The following ZNF653 variants were observed in gnomAD, a reference collection of about 807,000 sequenced individuals.
The protein encoded by ZNF653 is 67 kDa zinc finger protein.
Under a neutral mutation model 59.9 loss-of-function variants are expected in ZNF653, and 37 were observed. That is an observed-to-expected ratio of 0.62 (90% CI 0.48 to 0.81). The LOEUF is 0.81. Ranked by LOEUF, ZNF653 falls within the 40% of genes least tolerant of loss-of-function variation. The pLI, the probability that ZNF653 is intolerant of heterozygous loss-of-function variation, is 0.00. For missense variants in ZNF653, 808 were observed against 881.1 expected, an observed-to-expected ratio of 0.92 and a Z score of 1.05; for synonymous variants, 435 against 371.8, an observed-to-expected ratio of 1.17 and a Z score of -1.96.
intron 2 of ZNF653, among the ~76,000 whole-genome samples, 189 bp from the exon 3 acceptor site, chr19:11,496,354 G>A (rs548879423): frequency 1.1e-4 from 17 of 152,282 alleles, no homozygotes; most frequent in Admixed American, 3.9e-4. Flanking sequence ...TGGAGGTAAC[G>A]GGGACTGTTC....
chr19:11,484,146 G>C lies in ZNF653; in HGVS notation c.1571-5C>G. The C allele has an allele frequency of 6.4e-7, 1 of 1,551,494 alleles. No individual in the cohort carries two copies. The highest frequency in any genetic ancestry group is 8.7e-7 in the Non-Finnish European group (1 of 1,147,132). ...CGCAGGTGAATTCACGGACACCTGG[G>C]GGCGGTGGGGACCGAGGCTGAGGAC... On this transcript the variant is annotated splice_region_variant and splice_polypyrimidine_tract_variant and intron_variant, in intron 7 of 8. Coordinates refer to ENST00000293771, the MANE Select transcript of ZNF653 (RefSeq NM_138783.4).
chr19:11,502,839 G>T (rs1722360059), intron 1 of ZNF653, among the ~76,000 whole-genome samples: 1 of 152,076 alleles, frequency 6.6e-6, no homozygotes, highest in South Asian at 2.1e-4. Flanking sequence ...TTCGAGACCA[G>T]CCTAGCCAAC....
chr19:11,493,690 C>A (rs1300242624), intron 3 of ZNF653, among the ~76,000 whole-genome samples: 14 of 152,136 alleles, frequency 9.2e-5, no homozygotes, highest in Non-Finnish European at 1.5e-4. Context: ...TTTGGCTGAC[C>A]CCAGACTTCT....
In ZNF653 at chr19:11,487,162, C is replaced by T. The variant is rs375361056; in HGVS notation, c.1172-4G>A. The T allele has an allele frequency of 2.8e-5, 45 of 1,610,274 alleles. No homozygotes were observed. The highest frequency in any genetic ancestry group is 4.0e-5 in the African/African-American group (3 of 74,942). Reference sequence around the variant, plus strand: ...AGCAAGCACAGGTCCTCCTTCTCTACAGGGTGGACACAGGGTGGTGTCCGC... The same window carrying T: ...AGCAAGCACAGGTCCTCCTTCTCTATAGGGTGGACACAGGGTGGTGTCCGC... On this transcript the variant is annotated splice_polypyrimidine_tract_variant and splice_region_variant and intron_variant, in intron 4 of 8. Coordinates refer to ENST00000293771, the MANE Select transcript of ZNF653 (RefSeq NM_138783.4). The surrounding 1 kb of genome is among the most constrained non-coding windows in gnomAD (Gnocchi z 5.1).
chr19:11,501,750 G>A (rs186782601), intron 1 of ZNF653, among the ~76,000 whole-genome samples: 3,197 of 152,150 alleles, frequency 0.021, 53 homozygotes, highest in South Asian at 0.032. Flanking sequence ...GAGAGCAACC[G>A]CCACACTCAG....
intron 1 of ZNF653, chr19:11,505,250 A>C (rs1004751866): frequency 8.1e-5 from 36 of 445,126 alleles, no homozygotes; most frequent in African/African-American, 6.6e-4. Flanking sequence ...CCAAGCGCTC[A>C]GAAGGCGGGT....
chr19:11,486,638 C>T (rs1294195168), intron 6 of ZNF653, 131 bp downstream of exon 6: 3 of 730,328 alleles, frequency 4.1e-6, no homozygotes, highest in Non-Finnish European at 6.8e-6. Context: ...TGGGGTGTGA[C>T]AAGTCCCTGT....
chr19:11,486,950 A>G (rs372106531), intron 5 of ZNF653, 37 bp downstream of exon 5: 14 of 1,611,920 alleles, frequency 8.7e-6, no homozygotes, highest in East Asian at 4.5e-5. Context: ...GGCCGCTTCT[A>G]GCCCTCGCCC....
At chr19:11,503,884 ACTTGAGC>A (rs1170860567) in intron 1 of ZNF653, among the ~76,000 whole-genome samples, 2 of 151,512 alleles carry the variant, frequency 1.3e-5, no homozygotes, top group African/African-American at 4.9e-5. Context: ...CCGGAGAATC[ACTTGAGC>A]CTAGGAGTTT....
intron 3 of ZNF653, among the ~76,000 whole-genome samples, chr19:11,491,199 C>T (rs1365896313): frequency 6.6e-6 from 1 of 152,204 alleles, no homozygotes; most frequent in Non-Finnish European, 1.5e-5. Flanking sequence ...CCCTCTCTTC[C>T]TGGCACCAGC....
chr19:11,483,824 G>C lies in ZNF653; in HGVS notation c.1706C>G (p.Ala569Gly). Residue 569 changes from alanine (A) to glycine (G), a missense_variant, in exon 9 of 9, where the codon GCG (alanine) becomes GGG (glycine). Transcript: ENST00000293771. ...CTTCTTCATGTGCCAGTTGAGCGAC[G>C]CGCGCTGCCGGCACTGGTAGCCACA... ...EICGYQCRQR[A>G]SLNWHMKKHT... is the part of the protein sequence containing the mutation. 1.2e-6 allele frequency: 2 copies of C among 1,606,704 alleles called. No homozygotes were observed. Among genetic ancestry groups the C allele is most frequent in the Non-Finnish European group, 1.7e-6 (2 of 1,177,568 alleles).
In ZNF653 at chr19:11,487,218, C is replaced by CGAGGGCCA; in HGVS notation, c.1171+66_1172-61dup. 1 of 1,600,988 alleles carries CGAGGGCCA rather than the reference C, an allele frequency of 6.2e-7. No individual in the cohort carries two copies. Among genetic ancestry groups the CGAGGGCCA allele is most frequent in the Non-Finnish European group, 8.5e-7 (1 of 1,173,556 alleles). ...ACGAAGGCTGCCGAGGTGCCCACTTCGAGGGCCATTCCTCGCCCGGCCCCT... is the reference window on the plus strand; with the variant it reads ...ACGAAGGCTGCCGAGGTGCCCACTTCGAGGGCCAGAGGGCCATTCCTCGCCCGGCCCCT... On this transcript the variant is annotated intron_variant, in intron 4 of 8. Transcript: ENST00000293771. This position sits in a 1 kb window ranked among gnomAD's most constrained non-coding sequence, Gnocchi z 5.1.
intron 3 of ZNF653, among the ~76,000 whole-genome samples, chr19:11,491,530 G>A (rs971083891): frequency 1.3e-5 from 2 of 152,146 alleles, no homozygotes; most frequent in African/African-American, 4.8e-5. Context: ...TAATGTCCTT[G>A]GAGACACTAG....
At chr19:11,501,205 C>T (rs78971982) in intron 1 of ZNF653, among the ~76,000 whole-genome samples, 1 of 149,854 alleles carries the variant, frequency 6.7e-6, no homozygotes, top group Non-Finnish European at 1.5e-5. Flanking sequence ...TTGAGACAGG[C>T]TCTCGTGGTG....
In ZNF653 at chr19:11,483,700, CG is replaced by C. The variant is rs1422084884; in HGVS notation, c.1829del (p.Pro610ArgfsTer12). 1 of 1,613,086 alleles carries C rather than the reference CG, an allele frequency of 6.2e-7. No homozygotes were observed. The highest frequency in any genetic ancestry group is 8.5e-7 in the Non-Finnish European group (1 of 1,179,174). ...SVKFHTLKSHPDHKPT is the reference protein window; with the variant it reads ...SVKFHTLKSHXDHKPT ...AGGTGGGTCAGGTGGGCTTGTGATC[CG>C]GGTGGCTTTTGAGCGTGTGGAACTT... is the stretch of plus-strand genomic sequence containing the variant. On this transcript the variant is annotated frameshift_variant, in exon 9 of 9. Transcript: ENST00000293771. LOFTEE classifies it high-confidence loss of function.
chr19:11,505,385 G>A, intron 1 of ZNF653, 103 bp downstream of exon 1: 2 of 1,217,024 alleles, frequency 1.6e-6, no homozygotes, highest in Non-Finnish European at 2.1e-6. Flanking sequence ...GGCGGGGTCC[G>A]CAGGTGCCGG....
chr19:11,484,208 C>CT (rs1971440835), intron 7 of ZNF653, 67 bp from the exon 8 acceptor site: 1 of 1,256,254 alleles, frequency 8.0e-7, no homozygotes, highest in Non-Finnish European at 1.1e-6. Flanking sequence ...GCTGCAGACT[C>CT]TGATGCTAGA....
chr19:11,503,443 CACTTTT>C (rs1160741195), intron 1 of ZNF653, among the ~76,000 whole-genome samples: 2 of 152,320 alleles, frequency 1.3e-5, no homozygotes, highest in African/African-American at 4.8e-5. Flanking sequence ...CTCTTCATTT[CACTTTT>C]GTTTTTTCCG....
chr19:11,489,656 T>G (rs1360909444), intron 3 of ZNF653, among the ~76,000 whole-genome samples: 1 of 152,172 alleles, frequency 6.6e-6, no homozygotes, highest in Admixed American at 6.5e-5. Context: ...TGTTGAGGGC[T>G]CTTCAGGGGC....
Sources: allele counts gnomAD v4.1 joint callset (sites outside exome capture counted in the v4.1 genomes callset), GRCh38; gene constraint gnomAD v4.1.1; non-coding constraint Gnocchi (gnomAD v3.1); transcripts MANE v1.5; gene names NCBI Gene and HGNC (gene_info 2026-07-23, HGNC 2026-07-21).